TMEM200A: variants seen among roughly 807,000 people sequenced by gnomAD.
The protein encoded by TMEM200A is transmembrane protein 200A.
A neutral mutation model predicts 24.3 loss-of-function variants in TMEM200A; 12 were observed. The observed-to-expected ratio is 0.49, with a 90% CI of 0.32 to 0.80. The LOEUF (loss-of-function observed/expected upper bound fraction) is 0.80, where lower values mean the gene tolerates loss of function less well. TMEM200A is among the 30% of genes least tolerant of loss of function. The probability of loss-of-function intolerance (pLI) is 0.04; values close to 1 mark genes in which losing one functional copy is unlikely to be tolerated. For synonymous variants in TMEM200A, 224 were observed against 224.4 expected (o/e 1.00, Z 0.02); for missense variants, 545 against 614.4 (o/e 0.89, Z 1.19).
chr6:130,370,608 G>A (rs761777194), intron 1 of TMEM200A, among the ~76,000 whole-genome samples: 3 of 152,134 alleles, frequency 2.0e-5, no homozygotes, highest in Non-Finnish European at 2.9e-5. Flanking sequence ...AAGACAATGC[G>A]TATCCCAAAA....
chr6:130,422,690 G>A (rs1779627051), intron 2 of TMEM200A, among the ~76,000 whole-genome samples: 1 of 152,140 alleles, frequency 6.6e-6, no homozygotes, highest in Non-Finnish European at 1.5e-5. Flanking sequence ...GTTACGGACT[G>A]CAAATTCCAA....
chr6:130,425,327 A>AAGTTG (rs1175645395), intron 2 of TMEM200A, among the ~76,000 whole-genome samples: 1 of 152,196 alleles, frequency 6.6e-6, no homozygotes, highest in African/African-American at 2.4e-5. Flanking sequence ...GAGCTAAATA[A>AAGTTG]AGTTGAGTTG....
intron 2 of TMEM200A, among the ~76,000 whole-genome samples, chr6:130,399,129 A>G (rs1473164356): frequency 6.6e-6 from 1 of 152,008 alleles, no homozygotes; most frequent in Non-Finnish European, 1.5e-5. Context: ...TTCTGACTCT[A>G]CAATTTCTTA....
rs578144555 is a variant in TMEM200A, at chr6:130,366,643, G to GTTAGGTA, written c.-81+120_-81+126dup. The GTTAGGTA allele has an allele frequency of 9.4e-5, 82 of 876,010 alleles. No homozygotes were observed. The African/African-American group carries it at 1.5e-3, about 16-fold the overall frequency. 54.3% of individuals were successfully genotyped at this position (876,010 alleles called of 1,614,324 possible). A position where few individuals can be genotyped will look rare whatever the true frequency, so the allele number is the denominator to read the frequency against. ...CCTCCCCTCCGCTACAGCCTCCAGA[G>GTTAGGTA]TTAGGTAAACGCTGTCTCTCCTAAA... On this transcript the variant is annotated intron_variant, in intron 1 of 2. Transcript: ENST00000296978. This position sits in a 1 kb window ranked among gnomAD's most constrained non-coding sequence, Gnocchi z 4.4.
intron 2 of TMEM200A, among the ~76,000 whole-genome samples, chr6:130,406,250 A>G (rs771387551): frequency 6.6e-6 from 1 of 152,170 alleles, no homozygotes; most frequent in Non-Finnish European, 1.5e-5. Flanking sequence ...AATATAAAAT[A>G]TATGTGCAGC....
At chr6:130,418,866 A>T (rs971584731) in intron 2 of TMEM200A, among the ~76,000 whole-genome samples, 1 of 152,148 alleles carries the variant, frequency 6.6e-6, no homozygotes, top group Non-Finnish European at 1.5e-5. Flanking sequence ...TCAACTCAGA[A>T]TATTTAGGGT....
chr6:130,377,610 G>A (rs1477655174), intron 1 of TMEM200A, among the ~76,000 whole-genome samples: 1 of 152,116 alleles, frequency 6.6e-6, no homozygotes, highest in Non-Finnish European at 1.5e-5. Context: ...AAGTCCTCCT[G>A]CAGTTTTGGA....
chr6:130,383,860 G>A (rs1333380204), intron 1 of TMEM200A, among the ~76,000 whole-genome samples: 1 of 152,164 alleles, frequency 6.6e-6, no homozygotes, highest in Non-Finnish European at 1.5e-5. Context: ...GTTCATGCCT[G>A]TAATCCCAGC....
intron 2 of TMEM200A, among the ~76,000 whole-genome samples, chr6:130,397,019 C>A (rs1385775275): frequency 6.6e-6 from 1 of 152,028 alleles, no homozygotes; most frequent in Non-Finnish European, 1.5e-5. Context: ...AAATGATTTC[C>A]TAGTTCACAT....
chr6:130,426,555 G>A (rs559644980), intron 2 of TMEM200A, among the ~76,000 whole-genome samples: 14 of 151,198 alleles, frequency 9.3e-5, no homozygotes, highest in Middle Eastern at 3.4e-3. Context: ...TTCTGAAGTC[G>A]CAGGATATTC....
At position 130,441,911 on chromosome 6, in the gene TMEM200A, A is replaced by G. The variant is rs776124525; in HGVS notation, c.*13A>G. The G allele has an allele frequency of 1.3e-5, 20 of 1,577,212 alleles. No homozygotes were observed. Among genetic ancestry groups the G allele is most frequent in the Middle Eastern group, 1.8e-4 (1 of 5,632 alleles). ...AACAAGGTTTTAATGTTAAAAGAATATATCATTTTACAAGGGTATATATTT... is the reference window on the plus strand; with the variant it reads ...AACAAGGTTTTAATGTTAAAAGAATGTATCATTTTACAAGGGTATATATTT... On this transcript the variant is annotated 3_prime_UTR_variant, in exon 3 of 3. Transcript: ENST00000296978.
At chr6:130,408,103 G>C (rs1779246539) in intron 2 of TMEM200A, among the ~76,000 whole-genome samples, 1 of 152,138 alleles carries the variant, frequency 6.6e-6, no homozygotes, top group Non-Finnish European at 1.5e-5. Flanking sequence ...AGTATTCCCA[G>C]GATAGTAATA....
chr6:130,380,618 A>T (rs998474343), intron 1 of TMEM200A, among the ~76,000 whole-genome samples: 2 of 152,150 alleles, frequency 1.3e-5, no homozygotes, highest in African/African-American at 4.8e-5. Context: ...TCTGTATGTG[A>T]TGGTGGACCC....
Position 130,441,135 on chromosome 6 carries a change from G to A in TMEM200A, c.713G>A (p.Ser238Asn), listed in dbSNP as rs765218109. Residue 238 changes from serine (S) to asparagine (N), a missense_variant, in exon 3 of 3, where the codon AGT (serine) becomes AAT (asparagine). Ser to Asn is a conservative substitution (Grantham distance 46, BLOSUM62 1). Transcript: ENST00000296978. The part of the protein sequence containing the change: ...EDELMLNEGK[S>N]SGHLMPPLLS... ...GAACTTATGTTAAATGAAGGTAAGA[G>A]TTCTGGGCATCTTATGCCCCCTTTG... 6.2e-7 allele frequency: 1 copy of A among 1,614,080 alleles called. No individual in the cohort carries two copies. The highest frequency in any genetic ancestry group is 8.5e-7 in the Non-Finnish European group (1 of 1,179,992).
intron 2 of TMEM200A, among the ~76,000 whole-genome samples, chr6:130,394,117 AAGTC>A (rs1262392176): frequency 3.3e-5 from 5 of 152,134 alleles, no homozygotes; most frequent in Non-Finnish European, 7.4e-5. Flanking sequence ...TTAGGGTTTG[AAGTC>A]AGTATTTGTC....
At chr6:130,423,050 T>C (rs1164923470) in intron 2 of TMEM200A, among the ~76,000 whole-genome samples, 1 of 152,238 alleles carries the variant, frequency 6.6e-6, no homozygotes, top group African/African-American at 2.4e-5. Flanking sequence ...AAGATGTATG[T>C]GACTTTGAAG....
intron 1 of TMEM200A, among the ~76,000 whole-genome samples, chr6:130,374,288 G>C (rs1341835631): frequency 6.6e-6 from 1 of 152,184 alleles, no homozygotes; most frequent in Non-Finnish European, 1.5e-5. Context: ...CACTGGGGCT[G>C]TAACCCAAGT....
At chr6:130,387,383 C>A (rs1394827299) in intron 2 of TMEM200A, among the ~76,000 whole-genome samples, 1 of 152,132 alleles carries the variant, frequency 6.6e-6, no homozygotes, top group African/African-American at 2.4e-5. Context: ...AGTGATTCTC[C>A]CACCTCAGCC....
intron 2 of TMEM200A, among the ~76,000 whole-genome samples, chr6:130,428,414 T>C (rs925504606): frequency 6.6e-6 from 1 of 152,172 alleles, no homozygotes; most frequent in Non-Finnish European, 1.5e-5. Context: ...TTTTCCTTTT[T>C]TCTTTATCCT....
Sources: gnomAD v4.1 joint callset for allele counts (sites outside exome capture counted in the v4.1 genomes callset) on GRCh38, gnomAD v4.1.1 for gene constraint, Gnocchi (gnomAD v3.1) non-coding constraint, MANE v1.5 for transcripts, NCBI Gene and HGNC (gene_info 2026-07-23, HGNC 2026-07-21) for gene names.